CDK14: variants seen among roughly 807,000 people sequenced by gnomAD.
CDK14 encodes the protein cyclin-dependent kinase 14.
A neutral mutation model predicts 60.7 loss-of-function variants in CDK14; 34 were observed. The observed-to-expected ratio is 0.56, with a 90% CI of 0.43 to 0.75. CDK14 has a LOEUF of 0.75. Ranked by LOEUF, CDK14 falls within the 30% of genes least tolerant of loss-of-function variation. CDK14 has a pLI of 0.00. For synonymous variants in CDK14, 197 were observed against 203.7 expected, an observed-to-expected ratio of 0.97 and a Z score of 0.28; for missense variants, 482 against 564.1, an observed-to-expected ratio of 0.85 and a Z score of 1.47.
intron 11 of CDK14, among the ~76,000 whole-genome samples, chr7:91,062,613 T>C (rs527452075): frequency 1.3e-5 from 2 of 152,324 alleles, no homozygotes; most frequent in South Asian, 4.2e-4. Context: ...ACATAGCTGA[T>C]GATGCTAGTT....
At chr7:90,743,320 C>T (rs1391679131) in intron 3 of CDK14, among the ~76,000 whole-genome samples, 1 of 152,040 alleles carries the variant, frequency 6.6e-6, no homozygotes, top group East Asian at 1.9e-4. Context: ...GCAGGAATCC[C>T]AAATAGAGTA....
At chr7:90,641,085 G>A (rs538124944) in intron 2 of CDK14, among the ~76,000 whole-genome samples, 1 of 151,084 alleles carries the variant, frequency 6.6e-6, no homozygotes, top group South Asian at 2.1e-4. Context: ...ATAATGATGA[G>A]CTATCTAGGA....
intron 14 of CDK14, among the ~76,000 whole-genome samples, chr7:91,195,052 A>G (rs2115961180): frequency 6.6e-6 from 1 of 152,344 alleles, no homozygotes. Flanking sequence ...TTGCTCTGCC[A>G]CTAAACCACT....
intron 2 of CDK14, among the ~76,000 whole-genome samples, chr7:90,696,324 G>GTAC (rs1248191423): frequency 2.9e-5 from 1 of 34,506 alleles, no homozygotes; most frequent in Non-Finnish European, 5.6e-5. Context: ...ATTTGGTTTT[G>GTAC]TACTTCTTCT....
Position 91,174,176 on chromosome 7 carries a change from GGC to G in CDK14, c.*29-32988_*29-32987del, listed in dbSNP as rs1357234848. ...TGACCCCTGAGCAGCCTAACTGGGAGGCACCCCCCAGCAGGGGCACACTGACA... is the reference window on the plus strand; with the variant it reads ...TGACCCCTGAGCAGCCTAACTGGGAGACCCCCCAGCAGGGGCACACTGACA... On this transcript the variant is annotated intron_variant, in intron 14 of 14. Coordinates refer to ENST00000380050, the MANE Select transcript of CDK14 (RefSeq NM_001287135.2). Among the ~76,000 whole-genome samples, 22 of 152,062 alleles carry G rather than the reference GGC, an allele frequency of 1.4e-4. No homozygotes were observed. In the East Asian group the frequency reaches 4.3e-3, roughly 29 times the overall value.
chr7:90,878,523 A>G (rs1308619046), intron 6 of CDK14, among the ~76,000 whole-genome samples: 1 of 151,772 alleles, frequency 6.6e-6, no homozygotes, highest in Non-Finnish European at 1.5e-5. Context: ...CACAACAGAC[A>G]TACTGTACAT....
In CDK14 at chr7:91,161,838, A is replaced by G. The variant is rs141442282; in HGVS notation, c.*28+43630A>G. ...GACATTCGGCACATAGCTAGAACAT[A>G]ATAAATAAAATATTAGTCTTAGACT... On this transcript the variant is annotated intron_variant, in intron 14 of 14. Transcript: ENST00000380050. Among the ~76,000 whole-genome samples, 972 of 152,336 alleles carry G rather than the reference A, an allele frequency of 6.4e-3. 11 individuals are homozygous for G. The highest frequency in any genetic ancestry group is 0.024 in the Middle Eastern group (7 of 294).
intron 3 of CDK14, 150 bp downstream of exon 3, chr7:90,726,962 G>A (rs1802659885): frequency 2.4e-6 from 2 of 816,974 alleles, no homozygotes; most frequent in Admixed American, 2.8e-5. Context: ...AAGAGAGAGA[G>A]CAAACTATAT....
Position 90,665,283 on chromosome 7 carries a change from C to CATAAATAAATAA in CDK14, c.123+61047_123+61058dup, listed in dbSNP as rs58390868. ...CCGGCAACAGAGTGAGACACTGTCT[C>CATAAATAAATAA]ATAAATAAATAAATAAATAAATAAT... On this transcript the variant is annotated intron_variant, in intron 2 of 14. Transcript: ENST00000380050. Among the ~76,000 whole-genome samples the CATAAATAAATAA allele has an allele frequency of 1.0e-4, 15 of 150,284 alleles. No individual in the cohort carries two copies. In the East Asian group the frequency reaches 1.2e-3, roughly 12 times the overall value.
In CDK14 at chr7:90,606,491, G is replaced by A. The variant is rs79146534; in HGVS notation, c.123+2242G>A. Among the ~76,000 whole-genome samples the A allele has an allele frequency of 3.0e-3, 454 of 152,238 alleles. 5 individuals carry two copies. Among genetic ancestry groups the A allele is most frequent in the East Asian group, 0.028 (146 of 5,176 alleles). ...CATCATCACCATCATCATCGTCATTGATGCTTTCACTTTGACATCCACCTT... is the reference window on the plus strand; with the variant it reads ...CATCATCACCATCATCATCGTCATTAATGCTTTCACTTTGACATCCACCTT... On this transcript the variant is annotated intron_variant, in intron 2 of 14. Coordinates refer to ENST00000380050, the MANE Select transcript of CDK14 (RefSeq NM_001287135.2).
At chr7:91,042,941 A>G (rs924624124) in intron 10 of CDK14, among the ~76,000 whole-genome samples, 4 of 152,200 alleles carry the variant, frequency 2.6e-5, no homozygotes, top group African/African-American at 9.7e-5. Context: ...AATTTTTTCC[A>G]AAATGGCTTT....
chr7:91,078,883 T>G (rs1798399305), intron 11 of CDK14, among the ~76,000 whole-genome samples: 1 of 152,216 alleles, frequency 6.6e-6, no homozygotes, highest in African/African-American at 2.4e-5. Flanking sequence ...TTGTTTAACT[T>G]GGTAAAACAA....
chr7:90,943,155 A>C (rs117593428), intron 8 of CDK14, among the ~76,000 whole-genome samples: 2 of 152,344 alleles, frequency 1.3e-5, no homozygotes, highest in East Asian at 3.9e-4. Flanking sequence ...GAATCCTAGT[A>C]AGCAAAGGAA....
chr7:91,138,966 G>A (rs1800364599), intron 14 of CDK14, among the ~76,000 whole-genome samples: 1 of 152,164 alleles, frequency 6.6e-6, no homozygotes, highest in South Asian at 2.1e-4. Context: ...AAGCCAGGTT[G>A]ACTTGTCCTG....
intron 8 of CDK14, among the ~76,000 whole-genome samples, chr7:90,947,545 A>G (rs1445090321): frequency 2.0e-5 from 3 of 152,220 alleles, no homozygotes; most frequent in African/African-American, 7.2e-5. Flanking sequence ...TAAAACCATT[A>G]GAGTACCTAA....
At chr7:91,125,531 C>A (rs74913252) in intron 14 of CDK14, among the ~76,000 whole-genome samples, 1 of 152,036 alleles carries the variant, frequency 6.6e-6, no homozygotes, top group Admixed American at 6.6e-5. Flanking sequence ...TGCTAACCAA[C>A]GCATGCACAC....
At chr7:90,919,668 C>T (rs891312258) in intron 8 of CDK14, among the ~76,000 whole-genome samples, 7 of 152,140 alleles carry the variant, frequency 4.6e-5, no homozygotes, top group African/African-American at 1.7e-4. Flanking sequence ...AAGCATTTTT[C>T]AAATAATATG....
intron 2 of CDK14, among the ~76,000 whole-genome samples, chr7:90,668,186 T>G: frequency 6.6e-6 from 1 of 152,218 alleles, no homozygotes. Flanking sequence ...CAATACCTGT[T>G]GTCTGTTTGA....
At chr7:90,943,223 A>G (rs971903955) in intron 8 of CDK14, among the ~76,000 whole-genome samples, 7 of 152,162 alleles carry the variant, frequency 4.6e-5, no homozygotes, top group Non-Finnish European at 7.3e-5. Flanking sequence ...TAAATTGTAC[A>G]TTTTACATAA....
Sources: allele counts gnomAD v4.1 joint callset (sites outside exome capture counted in the v4.1 genomes callset), GRCh38; gene constraint gnomAD v4.1.1; transcripts MANE v1.5; gene names NCBI Gene and HGNC (gene_info 2026-07-23, HGNC 2026-07-21).